The following KIAA1217 variants were observed in gnomAD, a reference collection of about 807,000 sequenced individuals.
KIAA1217 encodes KIAA1217.
In KIAA1217, 88 loss-of-function variants were observed where a neutral mutation model predicts 163.9. That is an observed-to-expected ratio of 0.54 (90% CI 0.45 to 0.64). KIAA1217 has a LOEUF of 0.64. Ranked by LOEUF, KIAA1217 falls within the 30% of genes least tolerant of loss-of-function variation. KIAA1217 has a pLI of 0.00. For missense variants in KIAA1217, 2,372 were observed against 2,475.0 expected (o/e 0.96, Z 0.88); for synonymous variants, 903 against 923.1 (o/e 0.98, Z 0.39).
chr10:24,529,503 T>C (rs552386390), intron 14 of KIAA1217, among the ~76,000 whole-genome samples: 21 of 152,266 alleles, frequency 1.4e-4, no homozygotes, highest in African/African-American at 4.8e-4. Context: ...TATATATATA[T>C]ATATTTTTCC....
intron 2 of KIAA1217, among the ~76,000 whole-genome samples, chr10:24,372,072 G>A (rs1360132459): frequency 6.6e-6 from 1 of 152,154 alleles, no homozygotes; most frequent in African/African-American, 2.4e-5. Flanking sequence ...CAGGAGGAGA[G>A]CAAGGGTTGA....
chr10:24,510,852 A>G (rs1483104621), intron 9 of KIAA1217, among the ~76,000 whole-genome samples: 4 of 152,216 alleles, frequency 2.6e-5, no homozygotes, highest in Non-Finnish European at 4.4e-5. Context: ...GGGTCACAGC[A>G]GGTTTCAACC....
intron 2 of KIAA1217, among the ~76,000 whole-genome samples, chr10:24,201,963 T>A (rs1468552302): frequency 6.6e-6 from 1 of 152,030 alleles, no homozygotes; most frequent in African/African-American, 2.4e-5. Context: ...TCCCAATTCT[T>A]CCTGGTGTTC....
At chr10:24,016,270 G>A (rs537924751) in intron 2 of KIAA1217, among the ~76,000 whole-genome samples, 1 of 152,180 alleles carries the variant, frequency 6.6e-6, no homozygotes, top group South Asian at 2.1e-4. Context: ...GTTCTTCTCT[G>A]CTTTGTGTAG....
intron 2 of KIAA1217, among the ~76,000 whole-genome samples, chr10:24,150,349 G>A (rs1477181833): frequency 6.6e-6 from 1 of 152,146 alleles, no homozygotes; most frequent in Non-Finnish European, 1.5e-5. Context: ...CAACCAGTGT[G>A]ACCATATTTA....
At chr10:24,441,376 G>T (rs1414961731) in intron 5 of KIAA1217, among the ~76,000 whole-genome samples, 2 of 152,010 alleles carry the variant, frequency 1.3e-5, no homozygotes, top group Admixed American at 1.3e-4. Context: ...AACTCCTCAG[G>T]GGCTCCTGAG....
chr10:23,925,705 A>C (rs531791553), intron 1 of KIAA1217, among the ~76,000 whole-genome samples: 3 of 152,302 alleles, frequency 2.0e-5, no homozygotes, highest in African/African-American at 7.2e-5. Context: ...GGAGGGAAGA[A>C]GTGGAACACG....
At chr10:24,172,309 T>C (rs561104110) in intron 2 of KIAA1217, among the ~76,000 whole-genome samples, 1 of 152,334 alleles carries the variant, frequency 6.6e-6, no homozygotes, top group African/African-American at 2.4e-5. Flanking sequence ...CTATGACCAC[T>C]ATGCCAAGAG....
intron 2 of KIAA1217, among the ~76,000 whole-genome samples, chr10:24,095,569 T>C (rs2062124563): frequency 6.6e-6 from 1 of 152,130 alleles, no homozygotes; most frequent in Non-Finnish European, 1.5e-5. Flanking sequence ...AGTTCTTTCT[T>C]CTCTACTCAA....
At chr10:24,166,122 G>A (rs1399324469) in intron 2 of KIAA1217, among the ~76,000 whole-genome samples, 2 of 151,520 alleles carry the variant, frequency 1.3e-5, no homozygotes, top group East Asian at 1.9e-4. Context: ...TGGACAAATC[G>A]TTTTTAAAAT....
chr10:23,949,552 T>C (rs1844233355), intron 1 of KIAA1217, among the ~76,000 whole-genome samples: 1 of 152,168 alleles, frequency 6.6e-6, no homozygotes. Flanking sequence ...CCATAAATTT[T>C]ATTTGCTAGA....
intron 1 of KIAA1217, among the ~76,000 whole-genome samples, chr10:24,006,355 C>T (rs192685651): frequency 6.6e-6 from 1 of 152,174 alleles, no homozygotes; most frequent in Non-Finnish European, 1.5e-5. Flanking sequence ...CATCATTTTC[C>T]TTCTCCTTAA....
intron 1 of KIAA1217, among the ~76,000 whole-genome samples, chr10:23,835,614 G>C (rs573587883): frequency 6.6e-6 from 1 of 152,270 alleles, no homozygotes; most frequent in African/African-American, 2.4e-5. Context: ...AGAGCAGTGA[G>C]AGTATGAAAA....
At chr10:24,520,675 T>TACACAC (rs1554926979) in intron 11 of KIAA1217, among the ~76,000 whole-genome samples, 1 of 77,504 alleles carries the variant, frequency 1.3e-5, no homozygotes, top group Non-Finnish European at 2.3e-5. Flanking sequence ...TATATATATA[T>TACACAC]ACACACACAC....
In KIAA1217 at chr10:23,905,059, T is replaced by C. The variant is rs1842098324; in HGVS notation, c.-320-102166T>C. ...TTGAATTGGGATTCTTCTTTTCTCT[T>C]TTCCTTTTTTTTTTTTTTTTTTTTT... On this transcript the variant is annotated intron_variant, in intron 1 of 18. Coordinates refer to the KIAA1217 transcript ENST00000376462. Among the ~76,000 whole-genome samples the C allele has an allele frequency of 2.8e-5, 4 of 144,386 alleles. No individual in the cohort carries two copies. The South Asian group carries it at 8.5e-4, about 31-fold the overall frequency. 94.7% of individuals were successfully genotyped at this position (144,386 alleles called of 152,430 possible). A position where few individuals can be genotyped will look rare whatever the true frequency, so the allele number is the denominator to read the frequency against.
chr10:23,834,799 A>G (rs182277518), intron 1 of KIAA1217, among the ~76,000 whole-genome samples: 39 of 152,274 alleles, frequency 2.6e-4, no homozygotes, highest in African/African-American at 9.1e-4. Context: ...ATTGGTTGCC[A>G]TTTACTAAGA....
rs1843426918 is a variant in KIAA1217 at position 23,934,593 on chromosome 10, A to ATATATATATG, written c.-320-72623_-320-72622insGTATATATAT. ...TATATATATATATATATATATATGT[A>ATATATATATG]TATATATATATATGTATATATATAT... On this transcript the variant is annotated intron_variant, in intron 1 of 18. Coordinates refer to the KIAA1217 transcript ENST00000376462. Among the ~76,000 whole-genome samples, 4 of 64,934 alleles carry ATATATATATG rather than the reference A, an allele frequency of 6.2e-5. No individual in the cohort carries two copies. In the East Asian group the frequency reaches 1.1e-3, roughly 19 times the overall value. 42.6% of individuals were successfully genotyped at this position (64,934 alleles called of 152,430 possible).
chr10:24,072,315 C>T (rs572874115), intron 2 of KIAA1217, among the ~76,000 whole-genome samples: 2 of 152,238 alleles, frequency 1.3e-5, no homozygotes, highest in South Asian at 4.2e-4. Flanking sequence ...AAGCATGAAC[C>T]ACCACACCCA....
At chr10:23,748,482 A>AAGGAAGGAAGGG (rs1839536748) in intron 1 of KIAA1217, among the ~76,000 whole-genome samples, 1 of 142,160 alleles carries the variant, frequency 7.0e-6, no homozygotes, top group African/African-American at 2.7e-5. Context: ...GGAAGGAAGG[A>AAGGAAGGAAGGG]AGGAAGGAAA....
Sources: gnomAD v4.1 joint callset for allele counts (sites outside exome capture counted in the v4.1 genomes callset) on GRCh38, gnomAD v4.1.1 for gene constraint, MANE v1.5 for transcripts, NCBI Gene and HGNC (gene_info 2026-07-23, HGNC 2026-07-21) for gene names.